Variants in UNC5C observed in about 807,000 individuals in gnomAD.
UNC5C encodes the protein netrin receptor UNC5C.
Under a neutral mutation model 99.8 loss-of-function variants are expected in UNC5C, and 47 were observed. The observed-to-expected ratio is 0.47, with a 90% CI of 0.37 to 0.60. The LOEUF (loss-of-function observed/expected upper bound fraction) is 0.60. Ranked by LOEUF, UNC5C falls within the 20% of genes least tolerant of loss-of-function variation. UNC5C has a pLI of 0.00. For synonymous variants in UNC5C, 487 were observed against 452.2 expected (o/e 1.08, Z -0.98); for missense variants, 1,062 against 1,165.9 (o/e 0.91, Z 1.30).
intron 1 of UNC5C, among the ~76,000 whole-genome samples, chr4:95,545,445 G>T (rs1193683385): frequency 6.6e-6 from 1 of 152,082 alleles, no homozygotes; most frequent in African/African-American, 2.4e-5. Context: ...CGATAGAATT[G>T]TAATGAACTT....
rs1335774101 is a variant in UNC5C, at chr4:95,356,224, A to AC, written c.125-20594_125-20593insG. Reference sequence around the variant, plus strand: ...AAAAAAAAAAAAAACAAAACAAAAAAAAAACAGATTCCTCGTTCTTCCTCA... The same window carrying AC: ...AAAAAAAAAAAAAACAAAACAAAAAACAAAACAGATTCCTCGTTCTTCCTCA... On this transcript the variant is annotated intron_variant, in intron 1 of 15. Transcript: ENST00000453304. Among the ~76,000 whole-genome samples, 986 of 126,994 alleles carry AC rather than the reference A, an allele frequency of 7.8e-3. 34 individuals carry two copies. Among genetic ancestry groups the AC allele is most frequent in the African/African-American group, 0.017 (535 of 30,818 alleles). 83.3% of individuals were successfully genotyped at this position (126,994 alleles called of 152,430 possible).
intron 1 of UNC5C, among the ~76,000 whole-genome samples, chr4:95,356,545 A>G (rs56663807): frequency 0.22 from 33,123 of 151,964 alleles, 4,216 homozygotes; most frequent in African/African-American, 0.34. Flanking sequence ...GAGCTGATGG[A>G]TTGATTCATA....
At chr4:95,314,322 G>C (rs1297348280) in intron 2 of UNC5C, among the ~76,000 whole-genome samples, 1 of 152,136 alleles carries the variant, frequency 6.6e-6, no homozygotes, top group Non-Finnish European at 1.5e-5. Context: ...GAGTTCAGGG[G>C]AGTTGCCTTT....
At chr4:95,530,976 A>T (rs1462618718) in intron 1 of UNC5C, among the ~76,000 whole-genome samples, 1 of 152,200 alleles carries the variant, frequency 6.6e-6, no homozygotes, top group Non-Finnish European at 1.5e-5. Context: ...ATAAAGAACA[A>T]AGCTTTGTTT....
chr4:95,546,437 C>T (rs933119917), intron 1 of UNC5C, among the ~76,000 whole-genome samples: 2 of 152,188 alleles, frequency 1.3e-5, no homozygotes, highest in Non-Finnish European at 2.9e-5. Context: ...TTTATCCTTC[C>T]TTTGATAACT....
chr4:95,542,314 G>T (rs1722940435), intron 1 of UNC5C, among the ~76,000 whole-genome samples: 1 of 151,978 alleles, frequency 6.6e-6, no homozygotes, highest in Non-Finnish European at 1.5e-5. Context: ...ACTAAAAGAG[G>T]GTATTCACCA....
intron 1 of UNC5C, among the ~76,000 whole-genome samples, chr4:95,336,948 C>A (rs1483751): frequency 0.16 from 23,871 of 151,860 alleles, 2,088 homozygotes; most frequent in Admixed American, 0.2. Flanking sequence ...CCATCAATTG[C>A]AGCTCCTTTA....
At chr4:95,264,917 G>A (rs1410049952) in intron 4 of UNC5C, among the ~76,000 whole-genome samples, 2 of 152,080 alleles carry the variant, frequency 1.3e-5, no homozygotes, top group Admixed American at 6.6e-5. Context: ...ATAACATCCA[G>A]CATTTTCATA....
intron 14 of UNC5C, among the ~76,000 whole-genome samples, chr4:95,176,968 G>C (rs1560714635): frequency 1.4e-5 from 2 of 140,460 alleles, no homozygotes. Flanking sequence ...AAGCCCGTGG[G>C]AAAAGCGCAG....
rs1251333402 is a variant in UNC5C, at chr4:95,234,001, T to C, written c.1108+8428A>G. The stretch of plus-strand genomic sequence containing the variant: ...AGTTATCAGGTCTCAGTAATACAAT[T>C]GTATTTCAACTTAAAAGGTAAATAT... On this transcript the variant is annotated intron_variant, in intron 7 of 15. Coordinates refer to ENST00000453304, the MANE Select transcript of UNC5C (RefSeq NM_003728.4). Among the ~76,000 whole-genome samples, 3 of 152,244 alleles carry C rather than the reference T, an allele frequency of 2.0e-5. No homozygotes were observed. The Middle Eastern group carries it at 0.01, about 518-fold the overall frequency.
At chr4:95,388,416 G>A (rs1250511997) in intron 1 of UNC5C, among the ~76,000 whole-genome samples, 1 of 152,150 alleles carries the variant, frequency 6.6e-6, no homozygotes, top group East Asian at 1.9e-4. Context: ...TAGTGAAACT[G>A]ATGAACAATT....
chr4:95,545,135 A>G (rs1048010934), intron 1 of UNC5C, among the ~76,000 whole-genome samples: 1 of 152,202 alleles, frequency 6.6e-6, no homozygotes, highest in Non-Finnish European at 1.5e-5. Flanking sequence ...AGTTCTGACT[A>G]GGACAACCAG....
intron 12 of UNC5C, among the ~76,000 whole-genome samples, chr4:95,197,142 TATAA>T (rs1315831576): frequency 2.8e-5 from 4 of 140,644 alleles, no homozygotes; most frequent in African/African-American, 8.1e-5. Flanking sequence ...TATATACTTA[TATAA>T]ATAAATGTAT....
chr4:95,387,152 T>C lies in UNC5C; in HGVS notation c.125-51521A>G, dbSNP rs1579375890. 2.6e-5 allele frequency among the ~76,000 whole-genome samples: 4 copies of C among 152,196 alleles called. No individual in the cohort carries two copies. The South Asian group carries it at 8.3e-4, about 31-fold the overall frequency. Reference sequence around the variant, plus strand: ...CTCACTCTCTCTCTCTTTTTATTTTTTTTTGAGACAAGGTCTCACTCTCTC... The same window carrying C: ...CTCACTCTCTCTCTCTTTTTATTTTCTTTTGAGACAAGGTCTCACTCTCTC... On this transcript the variant is annotated intron_variant, in intron 1 of 15. Coordinates refer to ENST00000453304, the MANE Select transcript of UNC5C (RefSeq NM_003728.4).
chr4:95,377,490 G>A (rs952691225), intron 1 of UNC5C, among the ~76,000 whole-genome samples: 6 of 152,142 alleles, frequency 3.9e-5, no homozygotes, highest in Admixed American at 2.6e-4. Flanking sequence ...AACCGCTTTG[G>A]CATCTCATGG....
chr4:95,305,619 C>T (rs1408993983), intron 2 of UNC5C, among the ~76,000 whole-genome samples: 1 of 152,136 alleles, frequency 6.6e-6, no homozygotes, highest in Non-Finnish European at 1.5e-5. Context: ...CATCTGATAA[C>T]ATCAAAGATT....
intron 1 of UNC5C, among the ~76,000 whole-genome samples, chr4:95,483,042 T>G (rs1010569982): frequency 6.1e-5 from 7 of 115,680 alleles, no homozygotes; most frequent in African/African-American, 2.4e-4. Flanking sequence ...ATAATAATAA[T>G]AAAAACACAT....
At chr4:95,334,663 T>C (rs10516965) in intron 2 of UNC5C, among the ~76,000 whole-genome samples, 26,310 of 151,754 alleles carry the variant, frequency 0.17, 2,451 homozygotes, top group African/African-American at 0.21. Flanking sequence ...TTATATCTAA[T>C]TGAAATCCCA....
At chr4:95,198,246 C>T (rs1171264844) in intron 12 of UNC5C, among the ~76,000 whole-genome samples, 3 of 151,892 alleles carry the variant, frequency 2.0e-5, no homozygotes, top group Non-Finnish European at 4.4e-5. Flanking sequence ...GCCTTGGCCT[C>T]CCAAAGTGCT....
Sources: gnomAD v4.1 joint callset for allele counts (sites outside exome capture counted in the v4.1 genomes callset) on GRCh38, gnomAD v4.1.1 for gene constraint, MANE v1.5 for transcripts, NCBI Gene and HGNC (gene_info 2026-07-23, HGNC 2026-07-21) for gene names.